Variants in STAG1 observed in about 807,000 individuals in gnomAD.
STAG1 encodes the protein STAG1 cohesin complex component.
In STAG1, 26 loss-of-function variants were observed where a neutral mutation model predicts 170.9. The ratio of observed to expected loss-of-function variants is 0.15; its 90% CI spans 0.11 to 0.21. STAG1 has a LOEUF of 0.21. Ranked by LOEUF, STAG1 falls within the 10% of genes least tolerant of loss-of-function variation. STAG1 has a pLI of 1.00. For missense variants in STAG1, 964 were observed against 1,509.5 expected (o/e 0.64, Z 5.99); for synonymous variants, 514 against 497.7 (o/e 1.03, Z -0.44).
intron 22 of STAG1, among the ~76,000 whole-genome samples, chr3:136,394,938 CAAAAAAAAAAAA>C (rs778204800): frequency 1.7e-5 from 1 of 59,318 alleles, no homozygotes; most frequent in East Asian, 4.9e-4. Context: ...GACTCTGTCT[CAAAAAAAAAAAA>C]AAAAAAAAAA....
chr3:136,543,006 A>G (rs1011055056), intron 5 of STAG1, among the ~76,000 whole-genome samples: 2 of 152,170 alleles, frequency 1.3e-5, no homozygotes, highest in African/African-American at 4.8e-5. Context: ...CTATAGATGG[A>G]GCTATCAAAA....
chr3:136,487,716 T>C (rs1157786204), intron 9 of STAG1, among the ~76,000 whole-genome samples: 1 of 152,238 alleles, frequency 6.6e-6, no homozygotes, highest in Non-Finnish European at 1.5e-5. Context: ...GTGGTAGTTT[T>C]GAAGGATGTC....
intron 2 of STAG1, among the ~76,000 whole-genome samples, chr3:136,629,755 C>G (rs1350827954): frequency 6.6e-6 from 1 of 152,092 alleles, no homozygotes; most frequent in Non-Finnish European, 1.5e-5. Flanking sequence ...ATATAAATAA[C>G]TGCTTAAAGT....
At chr3:136,632,728 C>T (rs1940380563) in intron 1 of STAG1, among the ~76,000 whole-genome samples, 1 of 152,062 alleles carries the variant, frequency 6.6e-6, no homozygotes, top group Non-Finnish European at 1.5e-5. Context: ...AGGCTAAAAG[C>T]ATGGTCAGAG....
chr3:136,592,583 T>C (rs945313601), intron 4 of STAG1, among the ~76,000 whole-genome samples: 4 of 152,150 alleles, frequency 2.6e-5, no homozygotes, highest in African/African-American at 9.7e-5. Context: ...CCTTGATCTC[T>C]ATCTTCTTAT....
At chr3:136,584,578 G>A (rs1382642328) in intron 4 of STAG1, among the ~76,000 whole-genome samples, 1 of 152,064 alleles carries the variant, frequency 6.6e-6, no homozygotes, top group African/African-American at 2.4e-5. Context: ...TTGGTTCAGT[G>A]TTCTCTATCC....
intron 25 of STAG1, among the ~76,000 whole-genome samples, chr3:136,364,349 C>G (rs765485894): frequency 1.3e-5 from 2 of 152,182 alleles, no homozygotes; most frequent in Non-Finnish European, 2.9e-5. Context: ...TCCAAAAGTG[C>G]TGGGATTACA....
At chr3:136,449,559 CAAA>C (rs756074218) in intron 14 of STAG1, among the ~76,000 whole-genome samples, 1 of 91,598 alleles carries the variant, frequency 1.1e-5, no homozygotes, top group South Asian at 3.2e-4. Context: ...GACTCTGTCT[CAAA>C]AAAAAAAAAA....
intron 9 of STAG1, among the ~76,000 whole-genome samples, chr3:136,487,754 C>T (rs1331703633): frequency 2.6e-5 from 4 of 152,186 alleles, no homozygotes; most frequent in Admixed American, 6.5e-5. Context: ...TTTCATTCCC[C>T]TTTTCTTGAA....
intron 5 of STAG1, among the ~76,000 whole-genome samples, chr3:136,557,078 C>T (rs1576604043): frequency 1.3e-5 from 2 of 151,856 alleles, no homozygotes; most frequent in East Asian, 1.9e-4. Flanking sequence ...GCAAAAATCC[C>T]AAACAATTAG....
Position 136,741,975 on chromosome 3 carries a change from A to G in STAG1, c.-84+10220T>C, listed in dbSNP as rs117434275. Among the ~76,000 whole-genome samples the G allele has an allele frequency of 3.9e-4, 59 of 152,326 alleles. No individual in the cohort carries two copies. In the East Asian group the frequency reaches 0.011, roughly 27 times the overall value. On this transcript the variant is annotated intron_variant, in intron 1 of 33. Coordinates refer to ENST00000383202, the MANE Select transcript of STAG1 (RefSeq NM_005862.3). The stretch of plus-strand genomic sequence containing the variant: ...AACAGAGAGACATTTCATCACAATA[A>G]AAAGGTCAATTTGTCAAAACAACAT...
chr3:136,494,619 TATA>T (rs1469055435), intron 9 of STAG1, among the ~76,000 whole-genome samples: 1 of 152,144 alleles, frequency 6.6e-6, no homozygotes, highest in African/African-American at 2.4e-5. Context: ...GCAAGGTTGG[TATA>T]ATATCTGAAA....
At chr3:136,678,350 T>A (rs902004590) in intron 1 of STAG1, among the ~76,000 whole-genome samples, 4 of 151,646 alleles carry the variant, frequency 2.6e-5, no homozygotes. Context: ...AATAAAATAG[T>A]ACCCAATGAT....
chr3:136,409,857 C>T (rs1263720741), intron 21 of STAG1, among the ~76,000 whole-genome samples: 2 of 152,002 alleles, frequency 1.3e-5, no homozygotes, highest in African/African-American at 4.8e-5. Context: ...GTGGGAGGAT[C>T]CCATTTGAGC....
intron 9 of STAG1, among the ~76,000 whole-genome samples, chr3:136,478,895 G>C (rs969854848): frequency 6.6e-6 from 1 of 151,698 alleles, no homozygotes; most frequent in African/African-American, 2.4e-5. Flanking sequence ...TGTGACCTTG[G>C]GTATTTCCCT....
At chr3:136,379,675 C>T (rs1937834989) in intron 22 of STAG1, among the ~76,000 whole-genome samples, 1 of 152,122 alleles carries the variant, frequency 6.6e-6, no homozygotes, top group Non-Finnish European at 1.5e-5. Context: ...CGCCACTGCA[C>T]CCCAGCCCGG....
chr3:136,530,115 C>A (rs560020400), intron 6 of STAG1, among the ~76,000 whole-genome samples: 107 of 151,926 alleles, frequency 7.0e-4, no homozygotes, highest in South Asian at 1.7e-3. Flanking sequence ...ACAAACTGTA[C>A]ATCAAAAACA....
intron 28 of STAG1, among the ~76,000 whole-genome samples, chr3:136,353,786 A>G (rs1936524972): frequency 6.6e-6 from 1 of 152,242 alleles, no homozygotes; most frequent in Admixed American, 6.5e-5. Flanking sequence ...TTGAATTTAC[A>G]TGAAAAAACA....
At chr3:136,460,834 C>T (rs548163392) in intron 13 of STAG1, among the ~76,000 whole-genome samples, 1 of 152,178 alleles carries the variant, frequency 6.6e-6, no homozygotes, top group Non-Finnish European at 1.5e-5. Flanking sequence ...AGGTCAGCAT[C>T]ACCCTGATGC....
Sources: gnomAD v4.1 joint callset for allele counts (sites outside exome capture counted in the v4.1 genomes callset) on GRCh38, gnomAD v4.1.1 for gene constraint, MANE v1.5 for transcripts, NCBI Gene and HGNC (gene_info 2026-07-23, HGNC 2026-07-21) for gene names.